The following FNBP1L variants were observed in gnomAD, a reference collection of about 807,000 sequenced individuals.
The protein encoded by FNBP1L is formin binding protein 1 like.
A neutral mutation model predicts 91.2 loss-of-function variants in FNBP1L; 36 were observed. The ratio of observed to expected loss-of-function variants is 0.39; its 90% CI spans 0.30 to 0.52. FNBP1L has a LOEUF of 0.52. Among genes scored for constraint, FNBP1L ranks in the 20% least tolerant of loss-of-function variants. The pLI is 0.66. For synonymous variants in FNBP1L, 242 were observed against 237.0 expected (o/e 1.02, Z -0.19); for missense variants, 571 against 732.1 (o/e 0.78, Z 2.54).
chr1:93,547,118 ATT>A, intron 13 of FNBP1L, 144 bp downstream of exon 13: 1 of 1,062,900 alleles, frequency 9.4e-7, no homozygotes, highest in South Asian at 1.6e-5. Context: ...GATGTGTGTT[ATT>A]TAATCTCATT....
intron 2 of FNBP1L, among the ~76,000 whole-genome samples, chr1:93,514,241 C>A (rs1169526297): frequency 6.6e-6 from 1 of 152,100 alleles, no homozygotes; most frequent in Non-Finnish European, 1.5e-5. Flanking sequence ...AGGAGAACTA[C>A]AAACCACTGC....
At chr1:93,471,418 A>C (rs1462469771) in intron 1 of FNBP1L, among the ~76,000 whole-genome samples, 2 of 152,160 alleles carry the variant, frequency 1.3e-5, no homozygotes, top group Admixed American at 1.3e-4. Context: ...TTATCCAGGC[A>C]CTGTAGCGCA....
chr1:93,464,623 T>G (rs1669011732), intron 1 of FNBP1L, among the ~76,000 whole-genome samples: 1 of 152,244 alleles, frequency 6.6e-6, no homozygotes, highest in South Asian at 2.1e-4. Context: ...TTTTCTTTTC[T>G]ACAAGTACTA....
chr1:93,514,946 C>T lies in FNBP1L; in HGVS notation c.141-7136C>T, dbSNP rs146996572. ...ATCGAATTAAAATAAAGAGCTTCTG[C>T]ACAGCAAAAGAAACTACCATCAGAG... On this transcript the variant is annotated intron_variant, in intron 2 of 16. Transcript: ENST00000271234. 9.3e-3 allele frequency among the ~76,000 whole-genome samples: 1,421 copies of T among 152,268 alleles called. 25 individuals carry two copies. Among genetic ancestry groups the T allele is most frequent in the African/African-American group, 0.033 (1,355 of 41,550 alleles).
chr1:93,532,708 C>G (rs888513771), intron 7 of FNBP1L, among the ~76,000 whole-genome samples: 6 of 152,078 alleles, frequency 3.9e-5, no homozygotes, highest in African/African-American at 1.4e-4. Context: ...GAAAACAATA[C>G]TAAGTGCCTT....
chr1:93,538,443 A>G (rs922535206), intron 10 of FNBP1L, among the ~76,000 whole-genome samples: 14 of 152,126 alleles, frequency 9.2e-5, no homozygotes, highest in African/African-American at 2.4e-4. Context: ...ATTATTAGCT[A>G]TACCACTCCA....
intron 2 of FNBP1L, among the ~76,000 whole-genome samples, chr1:93,513,150 A>C (rs1402496929): frequency 3.9e-5 from 6 of 152,214 alleles, no homozygotes; most frequent in Admixed American, 6.5e-5. Flanking sequence ...CCTCTACACA[A>C]ATAAACTAGA....
At chr1:93,453,274 A>G (rs1321033377) in intron 1 of FNBP1L, among the ~76,000 whole-genome samples, 1 of 152,236 alleles carries the variant, frequency 6.6e-6, no homozygotes, top group Non-Finnish European at 1.5e-5. Context: ...AGTGAGAGGT[A>G]TCAAGATATC....
intron 1 of FNBP1L, among the ~76,000 whole-genome samples, chr1:93,453,015 C>T (rs939718256): frequency 6.6e-6 from 1 of 152,160 alleles, no homozygotes; most frequent in Non-Finnish European, 1.5e-5. Context: ...TACATTGATA[C>T]CACTGCCCAG....
intron 15 of FNBP1L, among the ~76,000 whole-genome samples, chr1:93,550,651 A>G (rs534384619): frequency 6.6e-6 from 1 of 152,348 alleles, no homozygotes; most frequent in East Asian, 1.9e-4. Context: ...ATAGTGACAT[A>G]GGAATTAGAA....
chr1:93,494,914 C>T (rs571045861), intron 1 of FNBP1L, among the ~76,000 whole-genome samples: 1 of 152,256 alleles, frequency 6.6e-6, no homozygotes, highest in Non-Finnish European at 1.5e-5. Context: ...ATAAAACCAT[C>T]AGATCTCATG....
intron 10 of FNBP1L, among the ~76,000 whole-genome samples, chr1:93,540,264 G>A (rs1671993513): frequency 6.6e-6 from 1 of 151,812 alleles, no homozygotes; most frequent in Admixed American, 6.6e-5. Flanking sequence ...CAGAATCTGT[G>A]TCATTTCATA....
chr1:93,511,398 C>T (rs1452504065), intron 2 of FNBP1L, among the ~76,000 whole-genome samples: 12 of 152,096 alleles, frequency 7.9e-5, no homozygotes, highest in African/African-American at 2.9e-4. Context: ...TACAGACAAG[C>T]AAATGCTGAG....
At chr1:93,519,024 T>G (rs1671227814) in intron 2 of FNBP1L, among the ~76,000 whole-genome samples, 1 of 152,228 alleles carries the variant, frequency 6.6e-6, no homozygotes, top group South Asian at 2.1e-4. Context: ...TTGCTAACCA[T>G]GACTCGTCCC....
intron 1 of FNBP1L, among the ~76,000 whole-genome samples, chr1:93,449,202 A>C (rs1447751685): frequency 2.0e-5 from 3 of 151,580 alleles, no homozygotes; most frequent in Non-Finnish European, 2.9e-5. Flanking sequence ...GTACGGGCGG[A>C]GGGTAATAGG....
rs1557823491 is a variant in FNBP1L, at chr1:93,549,236, A to G, written c.1503-42A>G. On this transcript the variant is annotated intron_variant, in intron 14 of 16. Coordinates refer to ENST00000271234, the MANE Select transcript of FNBP1L (RefSeq NM_001164473.3). The stretch of plus-strand genomic sequence containing the variant: ...TTTATAAATAATATATAGAATTCTC[A>G]TGTTTATGATACTTGATCAGAGATA... 3 of 1,504,292 alleles carry G rather than the reference A, an allele frequency of 2.0e-6. 1 individual carries two copies. The highest frequency in any genetic ancestry group is 4.3e-5 in the Admixed American group (2 of 46,782). The allele number at this position is 1,504,292 out of a possible 1,614,324, so 93.2% of individuals were successfully genotyped here. A position where few individuals can be genotyped will look rare whatever the true frequency, so the allele number is the denominator to read the frequency against.
intron 5 of FNBP1L, among the ~76,000 whole-genome samples, chr1:93,528,693 C>CATTA (rs1488694101): frequency 6.6e-6 from 1 of 152,082 alleles, no homozygotes; most frequent in African/African-American, 2.4e-5. Flanking sequence ...AACAACTATG[C>CATTA]ATTAGGCCTA....
intron 5 of FNBP1L, among the ~76,000 whole-genome samples, chr1:93,526,531 ATT>A (rs1671500390): frequency 6.6e-6 from 1 of 152,046 alleles, no homozygotes; most frequent in Admixed American, 6.5e-5. Context: ...TCCCCAACAA[ATT>A]TCCTCTGGAT....
intron 1 of FNBP1L, among the ~76,000 whole-genome samples, 154 bp downstream of exon 1, chr1:93,448,459 ACTC>A (rs1668346737): frequency 6.7e-6 from 1 of 149,110 alleles, no homozygotes; most frequent in African/African-American, 2.5e-5. Flanking sequence ...TTGTGTGCAG[ACTC>A]CTCTTCCCTT....
Sources: gnomAD v4.1 joint callset for allele counts (sites outside exome capture counted in the v4.1 genomes callset) on GRCh38, gnomAD v4.1.1 for gene constraint, MANE v1.5 for transcripts, NCBI Gene and HGNC (gene_info 2026-07-23, HGNC 2026-07-21) for gene names.